The following NEDD4 variants were observed in gnomAD, a reference collection of about 807,000 sequenced individuals.
NEDD4 encodes the protein NEDD4 E3 ubiquitin protein ligase.
In NEDD4, 99 loss-of-function variants were observed where a neutral mutation model predicts 144.9. The observed-to-expected ratio is 0.68, with a 90% CI of 0.58 to 0.81. The LOEUF (loss-of-function observed/expected upper bound fraction) is 0.81. Among genes scored for constraint, NEDD4 ranks in the 30% least tolerant of loss-of-function variants. The pLI, the probability that NEDD4 is intolerant of heterozygous loss-of-function variation, is 0.00. For synonymous variants in NEDD4, 318 were observed against 350.6 expected (o/e 0.91, Z 1.04); for missense variants, 985 against 1,065.9 (o/e 0.92, Z 1.06).
chr15:55,938,613 A>G (rs7163864), intron 4 of NEDD4, among the ~76,000 whole-genome samples: 117,244 of 151,976 alleles, frequency 0.77, 45,421 homozygotes, highest in Middle Eastern at 0.82. Flanking sequence ...TGACAAGTGC[A>G]GCTACATTTA....
At chr15:55,847,554 A>G (rs559285739) in intron 17 of NEDD4, among the ~76,000 whole-genome samples, 23 of 152,338 alleles carry the variant, frequency 1.5e-4, no homozygotes, top group Admixed American at 2.6e-4. Flanking sequence ...GCTATAAAAA[A>G]GGATAATTTT....
chr15:55,887,261 GA>G (rs756401975), intron 5 of NEDD4, among the ~76,000 whole-genome samples: 1 of 151,600 alleles, frequency 6.6e-6, no homozygotes, highest in Non-Finnish European at 1.5e-5. Context: ...GCCAGACTAA[GA>G]AAAAAAGAGA....
chr15:55,884,399 C>T (rs991327997), intron 5 of NEDD4, among the ~76,000 whole-genome samples: 3 of 152,046 alleles, frequency 2.0e-5, no homozygotes, highest in Non-Finnish European at 4.4e-5. Context: ...TGGCAAACAT[C>T]CACAAGCATC....
chr15:55,928,324 T>C (rs2036715400), intron 4 of NEDD4, among the ~76,000 whole-genome samples: 1 of 152,172 alleles, frequency 6.6e-6, no homozygotes, highest in African/African-American at 2.4e-5. Flanking sequence ...TCTTATCTTT[T>C]TAATCTATCT....
rs781704268 is a variant in NEDD4 at position 55,830,544 on chromosome 15, G to A, written c.2570C>T (p.Thr857Ile). The change falls in exon 28 of 29, where the codon ACT (threonine) becomes ATT (isoleucine). Residue 857 changes from threonine to isoleucine, a missense_variant. By Grantham distance (89) the Thr-to-Ile change is moderately conservative (BLOSUM62 -1). Coordinates refer to ENST00000435532, the MANE Select transcript of NEDD4 (RefSeq NM_006154.4). ...ATGAGCTCTTGGCAGCTTTTCAGGA[G>A]TACCCCACTGTTCAACTGTAAATGA... is the stretch of plus-strand genomic sequence containing the variant. Reference protein sequence around the residue: ...PQSFTVEQWGTPEKLPRAHTC... With the variant: ...PQSFTVEQWGIPEKLPRAHTC... 1.2e-6 allele frequency: 2 copies of A among 1,613,996 alleles called. No homozygotes were observed. Among genetic ancestry groups the A allele is most frequent in the Admixed American group, 1.7e-5 (1 of 60,008 alleles).
At chr15:55,832,932 G>T in intron 27 of NEDD4, 76 bp downstream of exon 27, 2 of 964,356 alleles carry the variant, frequency 2.1e-6, no homozygotes, top group Non-Finnish European at 3.2e-6. Flanking sequence ...AATGATGGAA[G>T]CTTGCGGATT....
intron 4 of NEDD4, among the ~76,000 whole-genome samples, chr15:55,927,812 GC>G (rs1414765292): frequency 6.6e-6 from 1 of 152,182 alleles, no homozygotes; most frequent in Non-Finnish European, 1.5e-5. Context: ...CAGGGAGTCA[GC>G]AGAGCTTTGC....
At chr15:55,881,203 G>A (rs2035182494) in intron 5 of NEDD4, among the ~76,000 whole-genome samples, 1 of 149,482 alleles carries the variant, frequency 6.7e-6, no homozygotes, top group Non-Finnish European at 1.5e-5. Context: ...GTGCAATGGC[G>A]TGATCTCGGC....
At chr15:55,859,764 A>T (rs1167770344) in intron 11 of NEDD4, among the ~76,000 whole-genome samples, 1 of 152,176 alleles carries the variant, frequency 6.6e-6, no homozygotes, top group Non-Finnish European at 1.5e-5. Context: ...GCAGTCCCTA[A>T]CATCCAAGAG....
Position 55,838,153 on chromosome 15 carries a change from C to T in NEDD4, c.2155G>A (p.Gly719Arg), listed in dbSNP as rs2033299963. 2.5e-6 allele frequency: 4 copies of T among 1,596,644 alleles called. No homozygotes were observed. Among genetic ancestry groups the T allele is most frequent in the South Asian group, 1.1e-5 (1 of 88,576 alleles). The change falls in exon 23 of 29, where the codon GGA becomes AGA. Residue 719 changes from glycine to arginine, a missense_variant. Transcript: ENST00000435532. Reference sequence around the variant, plus strand: ...TTATTGGTGACAACTATTTCTGATCCACCATTTTTCAGCTCATGTTGATGT... The same window carrying T: ...TTATTGGTGACAACTATTTCTGATCTACCATTTTTCAGCTCATGTTGATGT... ...QTHQHELKNG[G>R]SEIVVTNKNK...
intron 5 of NEDD4, among the ~76,000 whole-genome samples, chr15:55,893,410 A>G (rs2035633760): frequency 6.6e-6 from 1 of 152,044 alleles, no homozygotes; most frequent in African/African-American, 2.4e-5. Flanking sequence ...AATTAAGCTA[A>G]CAGATCAAGA....
At chr15:55,950,170 T>G (rs923848508) in intron 4 of NEDD4, among the ~76,000 whole-genome samples, 1 of 152,196 alleles carries the variant, frequency 6.6e-6, no homozygotes, top group Non-Finnish European at 1.5e-5. Flanking sequence ...TCATTTTTCT[T>G]CATTTGACGA....
intron 1 of NEDD4, among the ~76,000 whole-genome samples, chr15:55,974,399 C>T (rs1221515206): frequency 2.6e-5 from 4 of 152,102 alleles, no homozygotes; most frequent in South Asian, 2.1e-4. Context: ...AGGAGGAATA[C>T]TTTCCATACT....
chr15:55,858,055 G>A (rs1245738996), intron 11 of NEDD4, among the ~76,000 whole-genome samples: 1 of 152,088 alleles, frequency 6.6e-6, no homozygotes, highest in Non-Finnish European at 1.5e-5. Flanking sequence ...ACATATTTAT[G>A]CTCTGCATTT....
chr15:55,861,187 T>C (rs2034392044), intron 9 of NEDD4, among the ~76,000 whole-genome samples: 1 of 152,202 alleles, frequency 6.6e-6, no homozygotes, highest in Admixed American at 6.5e-5. Context: ...AATCAGATAG[T>C]ACATTTTCTA....
At chr15:55,899,760 CT>C (rs1395659199) in intron 5 of NEDD4, among the ~76,000 whole-genome samples, 5 of 152,156 alleles carry the variant, frequency 3.3e-5, no homozygotes, top group Admixed American at 2.0e-4. Context: ...TGGAAATGTT[CT>C]GTACTACTGC....
At chr15:55,982,311 AT>A (rs2037816770) in intron 1 of NEDD4, among the ~76,000 whole-genome samples, 1 of 152,224 alleles carries the variant, frequency 6.6e-6, no homozygotes, top group Non-Finnish European at 1.5e-5. Context: ...TTATGAAAAG[AT>A]TTATAGATGA....
At chr15:55,941,819 T>C (rs1034593837) in intron 4 of NEDD4, among the ~76,000 whole-genome samples, 1 of 152,182 alleles carries the variant, frequency 6.6e-6, no homozygotes, top group African/African-American at 2.4e-5. Flanking sequence ...GTGATATGCC[T>C]GCATCGGCTT....
intron 24 of NEDD4, 115 bp from the exon 25 acceptor site, chr15:55,834,401 A>G (rs1309557889): frequency 1.5e-6 from 1 of 651,280 alleles, no homozygotes; most frequent in African/African-American, 1.8e-5. Flanking sequence ...CTACCACTAC[A>G]CAATCACGGG....
Sources: gnomAD v4.1 joint callset for allele counts (sites outside exome capture counted in the v4.1 genomes callset) on GRCh38, gnomAD v4.1.1 for gene constraint, MANE v1.5 for transcripts, NCBI Gene and HGNC (gene_info 2026-07-23, HGNC 2026-07-21) for gene names.